KCTD4: variants seen among roughly 807,000 people sequenced by gnomAD.
KCTD4 encodes potassium channel tetramerization domain containing 4.
A neutral mutation model predicts 18.3 loss-of-function variants in KCTD4; 12 were observed. The observed-to-expected ratio is 0.66, with a 90% confidence interval of 0.42 to 1.06. The LOEUF (loss-of-function observed/expected upper bound fraction) is 1.06. Among genes scored for constraint, KCTD4 ranks in the 50% least tolerant of loss-of-function variants. The pLI is 0.00. For missense variants in KCTD4, 250 were observed against 303.4 expected (o/e 0.82, Z 1.31); for synonymous variants, 124 against 110.5 (o/e 1.12, Z -0.76).
In KCTD4 at chr13:45,196,002, A is replaced by G. The variant is rs145758401; in HGVS notation, c.-187-1248T>C. Among the ~76,000 whole-genome samples, 985 of 152,318 alleles carry G rather than the reference A, an allele frequency of 6.5e-3. 12 individuals carry two copies. Among genetic ancestry groups the G allele is most frequent in the African/African-American group, 0.023 (941 of 41,578 alleles). ...TAGTTTATATTTCTCTTGCATTAAA[A>G]GTATTTTAAAATTATTTAACTGTAT... On this transcript the variant is annotated intron_variant, in intron 1 of 1. Transcript: ENST00000379108.
rs754320190 is a variant in KCTD4 at position 45,193,738 on chromosome 13, C to T, written c.*50G>A. 57 of 1,518,226 alleles carry T rather than the reference C, an allele frequency of 3.8e-5. No homozygotes were observed. Among genetic ancestry groups the T allele is most frequent in the Middle Eastern group, 3.6e-4 (2 of 5,608 alleles). 94.0% of individuals were successfully genotyped at this position (1,518,226 alleles called of 1,614,324 possible). A position where few individuals can be genotyped will look rare whatever the true frequency, so the allele number is the denominator to read the frequency against. On this transcript the variant is annotated 3_prime_UTR_variant, in exon 2 of 2. Coordinates refer to ENST00000379108, the MANE Select transcript of KCTD4 (RefSeq NM_198404.3). ...GGGATGTCTTTGATGCTGTGGTTTT[C>T]CGAAGCTTGCTGGCTGCATGCTTGT...
chr13:45,196,541 G>A lies in KCTD4; in HGVS notation c.-187-1787C>T, dbSNP rs561395646. 4.6e-5 allele frequency among the ~76,000 whole-genome samples: 7 copies of A among 152,320 alleles called. No homozygotes were observed. In the South Asian group the frequency reaches 1.2e-3, roughly 27 times the overall value. On this transcript the variant is annotated intron_variant, in intron 1 of 1. Transcript: ENST00000379108. ...TGTGTTACCATTACAAATAGTCACT[G>A]CACATGAGTAGCATCATATAATAGC...
Position 45,194,478 on chromosome 13 carries a change from G to T in KCTD4, c.90C>A (p.Cys30Ter). The change falls in exon 2 of 2, where the codon TGC becomes TGA. Residue 30 changes from cysteine (C) to a stop codon, truncating the protein, a stop_gained. Transcript: ENST00000379108. LOFTEE classifies it high-confidence loss of function. Reference sequence around the variant, plus strand: ...CGTTGAGGGTCATCAGTGTGGATTTGCAGTTCTTTCCTTGATCAGTATCTT... The same window carrying T: ...CGTTGAGGGTCATCAGTGTGGATTTTCAGTTCTTTCCTTGATCAGTATCTT... ...SLEDTDQGKN[C>*]KSTLMTLNVG... 1 of 1,614,070 alleles carries T rather than the reference G, an allele frequency of 6.2e-7. No individual in the cohort carries two copies. The highest frequency in any genetic ancestry group is 8.5e-7 in the Non-Finnish European group (1 of 1,179,930).
intron 1 of KCTD4, among the ~76,000 whole-genome samples, chr13:45,200,313 A>G (rs936948600): frequency 1.3e-5 from 2 of 152,142 alleles, no homozygotes; most frequent in Non-Finnish European, 1.5e-5. Flanking sequence ...TTATTTTATA[A>G]CTTTTATAAA....
At chr13:45,196,484 A>G (rs1872896918) in intron 1 of KCTD4, among the ~76,000 whole-genome samples, 1 of 152,236 alleles carries the variant, frequency 6.6e-6, no homozygotes, top group Admixed American at 6.5e-5. Context: ...GGGAGAAGGG[A>G]TACAACTCTG....
Position 45,200,893 on chromosome 13 carries a change from GAGTC to G in KCTD4, c.-261_-258del. ...GTCGACACAGGTGTGATGTAATTAA[GAGTC>G]AGGAGAGTAAGGAGAGTAACTTCGA... On this transcript the variant is annotated 5_prime_UTR_variant, in exon 1 of 2. Transcript: ENST00000379108. Among the ~76,000 whole-genome samples the G allele has an allele frequency of 6.6e-6, 1 of 152,208 alleles. No individual in the cohort carries two copies.
rs1231173525 is a variant in KCTD4, at chr13:45,193,778, A to G, written c.*10T>C. 15 of 1,560,956 alleles carry G rather than the reference A, an allele frequency of 9.6e-6. No individual in the cohort carries two copies. Among genetic ancestry groups the G allele is most frequent in the Non-Finnish European group, 1.3e-5 (15 of 1,157,366 alleles). ...TGCATGCTTGTTGCCTTTGTTCGTG[A>G]CACAGGTAATTACTTGATAAAATGA... On this transcript the variant is annotated 3_prime_UTR_variant, in exon 2 of 2. Transcript: ENST00000379108.
At chr13:45,198,104 G>A (rs1872993541) in intron 1 of KCTD4, among the ~76,000 whole-genome samples, 1 of 152,180 alleles carries the variant, frequency 6.6e-6, no homozygotes, top group Admixed American at 6.5e-5. Flanking sequence ...AATTTAAACT[G>A]GTCCTTAGTA....
rs760161994 is a variant in KCTD4 at position 45,194,017 on chromosome 13, G to A, written c.551C>T (p.Pro184Leu). The A allele has an allele frequency of 1.2e-6, 2 of 1,614,044 alleles. No homozygotes were observed. Among genetic ancestry groups the A allele is most frequent in the South Asian group, 2.2e-5 (2 of 91,076 alleles). ...LVSKSRLDGF[P>L]EEFSISSNII... ...ATTTGACGATATTGAAAACTCCTCT[G>A]GAAATCCATCCAGCCTGCTTTTGGA... The change falls in exon 2 of 2, where the codon CCA (proline) becomes CTA (leucine). Residue 184 changes from proline (P) to leucine (L), a missense_variant. Coordinates refer to ENST00000379108, the MANE Select transcript of KCTD4 (RefSeq NM_198404.3).
chr13:45,198,952 C>G (rs780088466), intron 1 of KCTD4, among the ~76,000 whole-genome samples: 1 of 152,146 alleles, frequency 6.6e-6, no homozygotes, highest in Admixed American at 6.5e-5. Context: ...TAATGTAATT[C>G]TTTTTGAGTG....
rs1872746334 is a variant in KCTD4 at position 45,193,698 on chromosome 13, C to T, written c.*90G>A. On this transcript the variant is annotated 3_prime_UTR_variant, in exon 2 of 2. Coordinates refer to ENST00000379108, the MANE Select transcript of KCTD4 (RefSeq NM_198404.3). ...GCAGGGCTCTGTAGTACAGAGCTAG[C>T]TGGGCATGTTATTTGGGATGTCTTT... 8.3e-7 allele frequency: 1 copy of T among 1,200,422 alleles called. No homozygotes were observed. The allele number at this position is 1,200,422 out of a possible 1,614,324, so 74.4% of individuals were successfully genotyped here.
chr13:45,200,727 T>G (rs1873140433), intron 1 of KCTD4, among the ~76,000 whole-genome samples, 97 bp downstream of exon 1: 1 of 152,206 alleles, frequency 6.6e-6, no homozygotes, highest in Non-Finnish European at 1.5e-5. Context: ...AGACCTCAAC[T>G]CAGAACCACA....
At chr13:45,199,650 A>G (rs879347868) in intron 1 of KCTD4, among the ~76,000 whole-genome samples, 2 of 152,366 alleles carry the variant, frequency 1.3e-5, no homozygotes, top group South Asian at 2.1e-4. Context: ...TCATTTTTAT[A>G]GTGCTATTTG....
chr13:45,195,657 CCCCTATAACTT>C (rs1872853899), intron 1 of KCTD4, among the ~76,000 whole-genome samples: 1 of 152,256 alleles, frequency 6.6e-6, no homozygotes, highest in South Asian at 2.1e-4. Flanking sequence ...TTTCCTCTTT[CCCCTATAACTT>C]CCCTTCCAAA....
chr13:45,193,781 C>T lies in KCTD4; in HGVS notation c.*7G>A. 2 of 1,562,466 alleles carry T rather than the reference C, an allele frequency of 1.3e-6. No homozygotes were observed. The highest frequency in any genetic ancestry group is 1.7e-6 in the Non-Finnish European group (2 of 1,157,456). On this transcript the variant is annotated 3_prime_UTR_variant, in exon 2 of 2. Coordinates refer to ENST00000379108, the MANE Select transcript of KCTD4 (RefSeq NM_198404.3). ...ATGCTTGTTGCCTTTGTTCGTGACA[C>T]AGGTAATTACTTGATAAAATGAAGT...
In KCTD4 at chr13:45,194,451, A is replaced by G. The variant is rs1872788761; in HGVS notation, c.117T>C (p.Val39=). 1 of 1,614,146 alleles carries G rather than the reference A, an allele frequency of 6.2e-7. No individual in the cohort carries two copies. The highest frequency in any genetic ancestry group is 8.5e-7 in the Non-Finnish European group (1 of 1,179,990). The change falls in exon 2 of 2, where the codon GTT becomes GTC. Residue 39 remains valine (V), a synonymous_variant. Transcript: ENST00000379108. ...NCKSTLMTLN[V]GGYLYITQKQ... ...TTTGAGTAATGTATAAATATCCACC[A>G]ACGTTGAGGGTCATCAGTGTGGATT...
At chr13:45,195,426 T>C (rs1389326547) in intron 1 of KCTD4, among the ~76,000 whole-genome samples, 1 of 152,194 alleles carries the variant, frequency 6.6e-6, no homozygotes, top group Non-Finnish European at 1.5e-5. Context: ...TAGAAAATAC[T>C]GTGACTGTGT....
chr13:45,198,600 C>G (rs1293711330), intron 1 of KCTD4, among the ~76,000 whole-genome samples: 4 of 152,134 alleles, frequency 2.6e-5, no homozygotes, highest in Non-Finnish European at 4.4e-5. Flanking sequence ...AAAAGGATTT[C>G]ATTCCCATTA....
intron 1 of KCTD4, among the ~76,000 whole-genome samples, chr13:45,195,832 T>C (rs9534060): frequency 0.17 from 25,285 of 152,140 alleles, 2,497 homozygotes; most frequent in Non-Finnish European, 0.22. Context: ...TTTTAATTTA[T>C]TTTTGTAGAG....
Sources: gnomAD v4.1 joint callset for allele counts (sites outside exome capture counted in the v4.1 genomes callset) on GRCh38, gnomAD v4.1.1 for gene constraint, MANE v1.5 for transcripts, NCBI Gene and HGNC (gene_info 2026-07-23, HGNC 2026-07-21) for gene names.